SNX8: variants seen among roughly 807,000 people sequenced by gnomAD.
The protein encoded by SNX8 is sorting nexin-8.
Under a neutral mutation model 51.6 loss-of-function variants are expected in SNX8, and 25 were observed. The ratio of observed to expected loss-of-function variants is 0.48; its 90% confidence interval spans 0.35 to 0.68. The LOEUF (loss-of-function observed/expected upper bound fraction) is 0.68. SNX8 is among the 30% of genes least tolerant of loss of function. The pLI, the probability that SNX8 is intolerant of heterozygous loss-of-function variation, is 0.00. For synonymous variants in SNX8, 324 were observed against 277.0 expected, an observed-to-expected ratio of 1.17 and a Z score of -1.68; for missense variants, 695 against 624.0, an observed-to-expected ratio of 1.11 and a Z score of -1.21.
intron 7 of SNX8, among the ~76,000 whole-genome samples, chr7:2,261,726 G>A (rs1468956156): frequency 6.6e-6 from 1 of 152,192 alleles, no homozygotes; most frequent in East Asian, 1.9e-4. Context: ...TTTCTAAAGG[G>A]AACACAGAAG....
chr7:2,335,939 T>C (rs988477819), intron 1 of SNX8, among the ~76,000 whole-genome samples: 5 of 147,814 alleles, frequency 3.4e-5, no homozygotes, highest in Non-Finnish European at 7.4e-5. Flanking sequence ...CCATCTCTAC[T>C]AAAATTGCTA....
At chr7:2,283,289 C>T (rs973306732) in intron 1 of SNX8, among the ~76,000 whole-genome samples, 3 of 152,236 alleles carry the variant, frequency 2.0e-5, no homozygotes, top group African/African-American at 7.2e-5. Flanking sequence ...TCCCAAGCAG[C>T]ACAGCTGCAG....
chr7:2,342,826 A>T (rs1778957516), intron 1 of SNX8, among the ~76,000 whole-genome samples: 1 of 151,140 alleles, frequency 6.6e-6, no homozygotes, highest in South Asian at 2.1e-4. Flanking sequence ...TTATTTATTT[A>T]TTTTTTATTT....
chr7:2,352,264 C>T (rs903101707), intron 1 of SNX8, among the ~76,000 whole-genome samples: 1 of 152,094 alleles, frequency 6.6e-6, no homozygotes, highest in South Asian at 2.1e-4. Flanking sequence ...GGTCCACTCT[C>T]GTCCACTTTG....
At chr7:2,348,198 G>C (rs946416206) in intron 1 of SNX8, among the ~76,000 whole-genome samples, 1 of 152,078 alleles carries the variant, frequency 6.6e-6, no homozygotes, top group African/African-American at 2.4e-5. Context: ...CGTTTCTTCT[G>C]CCAACTCGAA....
chr7:2,281,111 A>C (rs995008929), intron 1 of SNX8, among the ~76,000 whole-genome samples: 1 of 152,016 alleles, frequency 6.6e-6, no homozygotes, highest in African/African-American at 2.4e-5. Flanking sequence ...ATATTTGCAA[A>C]ATAAATTTTA....
chr7:2,268,420 C>A (rs1795540453), intron 5 of SNX8, among the ~76,000 whole-genome samples: 1 of 145,330 alleles, frequency 6.9e-6, no homozygotes, highest in South Asian at 2.2e-4. Context: ...AGCGTCTCCG[C>A]CCGGCAGCCA....
rs527961790 is a variant in SNX8 at position 2,256,495 on chromosome 7, G to A, written c.1284+379C>T. Reference sequence around the variant, plus strand: ...TGAAGGAACCGCCATCTGCTCTGGAGGAAGCCGGCCAGGGCTCTCTGGAAG... The same window carrying A: ...TGAAGGAACCGCCATCTGCTCTGGAAGAAGCCGGCCAGGGCTCTCTGGAAG... On this transcript the variant is annotated intron_variant, in intron 10 of 10. Transcript: ENST00000222990. Among the ~76,000 whole-genome samples the A allele has an allele frequency of 2.6e-5, 4 of 152,388 alleles. No individual in the cohort carries two copies. In the South Asian group the frequency reaches 6.2e-4, roughly 24 times the overall value.
Position 2,303,664 on chromosome 7 carries a change from T to C in SNX8, c.94+10664A>G, listed in dbSNP as rs572888507. On this transcript the variant is annotated intron_variant, in intron 1 of 10. Transcript: ENST00000222990. Reference sequence around the variant, plus strand: ...TGATCTGTGACCTTACCACCAACCCTGTGCTCTCTGAAACATGTGCTGTGT... The same window carrying C: ...TGATCTGTGACCTTACCACCAACCCCGTGCTCTCTGAAACATGTGCTGTGT... 7.1e-3 allele frequency among the ~76,000 whole-genome samples: 1,074 copies of C among 152,278 alleles called. 7 individuals carry two copies. Among genetic ancestry groups the C allele is most frequent in the Admixed American group, 0.012 (178 of 15,286 alleles).
In SNX8 at chr7:2,256,962, T is replaced by C; in HGVS notation, c.1196A>G (p.Gln399Arg). ...RNYFSLYCLH[Q>R]ETQLIHVYLP... ...GTAGACGTGGATGAGCTGCGTCTCC[T>C]GGTGCAGGCAGTACAGGGAGAAGTA... is the stretch of plus-strand genomic sequence containing the variant. Residue 399 changes from glutamine (Q) to arginine (R), a missense_variant, in exon 10 of 11, where the codon CAG becomes CGG. Coordinates refer to ENST00000222990, the MANE Select transcript of SNX8 (RefSeq NM_013321.4). 1 of 1,613,662 alleles carries C rather than the reference T, an allele frequency of 6.2e-7. No individual in the cohort carries two copies. Among genetic ancestry groups the C allele is most frequent in the Non-Finnish European group, 8.5e-7 (1 of 1,179,852 alleles).
chr7:2,285,939 T>C (rs998598964), intron 1 of SNX8, among the ~76,000 whole-genome samples: 8 of 152,118 alleles, frequency 5.3e-5, no homozygotes, highest in African/African-American at 1.7e-4. Context: ...CACCTCAACC[T>C]ATCAAAGTGC....
At chr7:2,342,719 A>G (rs1778955939) in intron 1 of SNX8, among the ~76,000 whole-genome samples, 1 of 152,096 alleles carries the variant, frequency 6.6e-6, no homozygotes, top group Non-Finnish European at 1.5e-5. Flanking sequence ...GAGATGAGAG[A>G]AGACAGAGTA....
chr7:2,286,709 G>C (rs1796037385), intron 1 of SNX8, among the ~76,000 whole-genome samples: 1 of 150,140 alleles, frequency 6.7e-6, no homozygotes, highest in Non-Finnish European at 1.5e-5. Flanking sequence ...TAGTAGAGAT[G>C]GGGTTTCACC....
chr7:2,284,422 G>A, intron 1 of SNX8, among the ~76,000 whole-genome samples: 1 of 58,826 alleles, frequency 1.7e-5, no homozygotes, highest in East Asian at 4.2e-4. Context: ...TTTTTTTTGA[G>A]ACAGAGTCTC....
At chr7:2,317,784 G>A (rs186085508), upstream of SNX8, among the ~76,000 whole-genome samples, 82 of 152,244 alleles carry the variant, frequency 5.4e-4, 2 homozygotes, top group South Asian at 8.1e-3. Flanking sequence ...CTCCATGCAA[G>A]CAGGCACACC....
chr7:2,259,910 G>A (rs769823515), intron 7 of SNX8, among the ~76,000 whole-genome samples: 3 of 151,868 alleles, frequency 2.0e-5, no homozygotes, highest in African/African-American at 7.3e-5. Flanking sequence ...GGCTTCCCAG[G>A]GCCACATTGG....
At chr7:2,319,174 A>G (rs989870125), upstream of SNX8, among the ~76,000 whole-genome samples, 2 of 150,932 alleles carry the variant, frequency 1.3e-5, no homozygotes, top group Non-Finnish European at 2.9e-5. Context: ...CTCCGTCTCC[A>G]ATAAAAGTAC....
chr7:2,317,686 G>A (rs1442359974), upstream of SNX8, among the ~76,000 whole-genome samples: 1 of 152,084 alleles, frequency 6.6e-6, no homozygotes, highest in African/African-American at 2.4e-5. Context: ...TCACAAGGTA[G>A]TTACTTCCTC....
At chr7:2,334,156 C>T (rs1268329119) in intron 1 of SNX8, among the ~76,000 whole-genome samples, 2 of 152,116 alleles carry the variant, frequency 1.3e-5, no homozygotes, top group South Asian at 4.1e-4. Flanking sequence ...TGGCTCATGC[C>T]TGTAATCCCA....
Sources: allele counts gnomAD v4.1 joint callset (sites outside exome capture counted in the v4.1 genomes callset), GRCh38; gene constraint gnomAD v4.1.1; transcripts MANE v1.5; gene names NCBI Gene and HGNC (gene_info 2026-07-23, HGNC 2026-07-21).